Variants in LITAF observed in about 807,000 individuals in gnomAD.
LITAF encodes lipopolysaccharide induced TNF factor, also known as lipopolysaccharide-induced tumor necrosis factor-alpha factor.
LITAF carries 9 observed loss-of-function variants against 14.5 expected under a neutral mutation model. The ratio of observed to expected loss-of-function variants is 0.62; its 90% CI spans 0.37 to 1.08. LITAF has a LOEUF of 1.08. Among genes scored for constraint, LITAF ranks in the 50% least tolerant of loss-of-function variants. LITAF has a pLI of 0.01. For synonymous variants in LITAF, 98 were observed against 88.2 expected, an observed-to-expected ratio of 1.11 and a Z score of -0.62; for missense variants, 206 against 213.4, an observed-to-expected ratio of 0.97 and a Z score of 0.22.
intron 3 of LITAF, among the ~76,000 whole-genome samples, chr16:11,628,150 G>A (rs1167239595): frequency 6.6e-6 from 1 of 152,010 alleles, no homozygotes; most frequent in African/African-American, 2.4e-5. Context: ...CTGTGGTAAT[G>A]AATCAATACC....
chr16:11,549,226 C>A lies in LITAF; in HGVS notation c.*411G>T, dbSNP rs1255535005. The A allele has an allele frequency of 2.3e-6, 1 of 442,518 alleles. No individual in the cohort carries two copies. The highest frequency in any genetic ancestry group is 4.5e-6 in the Non-Finnish European group (1 of 220,872). The allele number at this position is 442,518 out of a possible 1,614,324, so 27.4% of individuals were successfully genotyped here. A position where few individuals can be genotyped will look rare whatever the true frequency, so the allele number is the denominator to read the frequency against. ...AAGGCTGGTTCAGCCGAGCTCTGGG[C>A]AGAACAGCCTCAAAAATAAGGCAAC... is the stretch of plus-strand genomic sequence containing the variant. On this transcript the variant is annotated 3_prime_UTR_variant, in exon 4 of 4. Coordinates refer to ENST00000622633, the MANE Select transcript of LITAF (RefSeq NM_001136472.2). The surrounding 1 kb of genome is among the most constrained non-coding windows in gnomAD (Gnocchi z 4.6).
chr16:11,559,715 C>T (rs1402725596), intron 1 of LITAF, among the ~76,000 whole-genome samples: 2 of 151,112 alleles, frequency 1.3e-5, no homozygotes, highest in African/African-American at 4.9e-5. Flanking sequence ...GGCTACTAGG[C>T]CGGGCATGGT....
chr16:11,583,542 C>T (rs927552993), intron 1 of LITAF, among the ~76,000 whole-genome samples: 6 of 152,142 alleles, frequency 3.9e-5, no homozygotes, highest in Non-Finnish European at 7.4e-5. Flanking sequence ...AGAAGCCGCC[C>T]GATAAGGACA....
At chr16:11,607,414 A>G (rs1010320663) in intron 3 of LITAF, among the ~76,000 whole-genome samples, 2 of 151,914 alleles carry the variant, frequency 1.3e-5, no homozygotes, top group Admixed American at 6.6e-5. Context: ...CTCTTAATTT[A>G]TTTTCAATTT....
At chr16:11,575,790 C>A (rs900393397) in intron 1 of LITAF, among the ~76,000 whole-genome samples, 12 of 152,212 alleles carry the variant, frequency 7.9e-5, no homozygotes, top group Admixed American at 7.2e-4. Flanking sequence ...GTCTCCATAG[C>A]TTCTGGTGTT....
rs967962520 is a variant in LITAF at position 11,632,083 on chromosome 16, G to A, written c.85+1450C>T. Among the ~76,000 whole-genome samples, 2 of 151,080 alleles carry A rather than the reference G, an allele frequency of 1.3e-5. No individual in the cohort carries two copies. Among genetic ancestry groups the A allele is most frequent in the Non-Finnish European group, 3.0e-5 (2 of 67,720 alleles). The stretch of plus-strand genomic sequence containing the variant: ...GGGGTTTCACCGTGTTAACCAGGAT[G>A]GTCTTGATCTCCTGACCTCGTGATC... On this transcript the variant is annotated intron_variant, in intron 3 of 3. Coordinates refer to the LITAF transcript ENST00000574848. This position sits in a 1 kb window ranked among gnomAD's most constrained non-coding sequence, Gnocchi z 4.8.
chr16:11,553,703 G>A lies in LITAF; in HGVS notation c.221-14C>T, dbSNP rs757733059. The A allele has an allele frequency of 3.0e-5, 48 of 1,613,908 alleles. No homozygotes were observed. Among genetic ancestry groups the A allele is most frequent in the Non-Finnish European group, 4.1e-5 (48 of 1,179,966 alleles). On this transcript the variant is annotated splice_polypyrimidine_tract_variant and intron_variant, in intron 2 of 3. Coordinates refer to ENST00000622633, the MANE Select transcript of LITAF (RefSeq NM_001136472.2). This position sits in a 1 kb window ranked among gnomAD's most constrained non-coding sequence, Gnocchi z 7.7. The stretch of plus-strand genomic sequence containing the variant: ...TCTGCACGGTAACTGATGAAAGGGA[G>A]AGGGACAAACACAGGTTGCTCAGGA...
chr16:11,618,839 C>T (rs530587497), intron 3 of LITAF, among the ~76,000 whole-genome samples: 88 of 151,748 alleles, frequency 5.8e-4, no homozygotes, highest in Non-Finnish European at 9.6e-4. Context: ...GAAAGTTAGC[C>T]GGGCGTGGTG....
At chr16:11,612,060 C>T (rs914769076) in intron 3 of LITAF, among the ~76,000 whole-genome samples, 12 of 152,186 alleles carry the variant, frequency 7.9e-5, no homozygotes, top group Admixed American at 1.3e-4. Flanking sequence ...CCTTCTTCCC[C>T]TCGGGGCTCG....
chr16:11,591,433 C>T (rs763128399), upstream of LITAF, among the ~76,000 whole-genome samples: 75 of 150,546 alleles, frequency 5.0e-4, 20 homozygotes, highest in Non-Finnish European at 9.9e-4. Flanking sequence ...AGTCCTCCCA[C>T]CTCCACCTCC....
chr16:11,560,446 A>G (rs2064343616), intron 1 of LITAF, among the ~76,000 whole-genome samples: 2 of 151,936 alleles, frequency 1.3e-5, no homozygotes, highest in African/African-American at 4.8e-5. Context: ...CCCCATCTCT[A>G]CTAAAAATAC....
chr16:11,613,354 C>G (rs1475642378), intron 3 of LITAF, among the ~76,000 whole-genome samples: 3 of 152,296 alleles, frequency 2.0e-5, no homozygotes, highest in East Asian at 3.9e-4. Flanking sequence ...ACAGAGAGAC[C>G]AGACCTCCTG....
At chr16:11,621,292 G>A (rs1035030053) in intron 3 of LITAF, among the ~76,000 whole-genome samples, 2 of 152,114 alleles carry the variant, frequency 1.3e-5, no homozygotes, top group Non-Finnish European at 2.9e-5. Context: ...TCGAACTCCC[G>A]ACCTCAGGTG....
chr16:11,588,376 G>A (rs144837928), upstream of LITAF, among the ~76,000 whole-genome samples: 1,685 of 152,060 alleles, frequency 0.011, 16 homozygotes, highest in Non-Finnish European at 0.017. Flanking sequence ...CGGTGGAGTG[G>A]TGGCATGTGC....
At chr16:11,574,968 C>CAT (rs1421908885) in intron 1 of LITAF, among the ~76,000 whole-genome samples, 2 of 151,970 alleles carry the variant, frequency 1.3e-5, no homozygotes, top group Non-Finnish European at 2.9e-5. Context: ...ACGCTCAGCT[C>CAT]ATTTTTTTAT....
chr16:11,556,205 C>A, intron 2 of LITAF: 1 of 511,148 alleles, frequency 2.0e-6, no homozygotes, highest in Non-Finnish European at 3.4e-6. Flanking sequence ...AGGAAGTGTG[C>A]GGGCCCTTAA....
intron 1 of LITAF, among the ~76,000 whole-genome samples, chr16:11,596,986 C>T (rs564710505): frequency 2.4e-4 from 36 of 152,260 alleles, no homozygotes; most frequent in African/African-American, 8.2e-4. Flanking sequence ...GAAGCCCAGA[C>T]AGGTAAAGTA....
intron 3 of LITAF, among the ~76,000 whole-genome samples, chr16:11,624,670 A>T (rs1334891766): frequency 6.6e-6 from 1 of 152,192 alleles, no homozygotes; most frequent in Non-Finnish European, 1.5e-5. Context: ...CAGATTTATC[A>T]TGATAAATTT....
chr16:11,580,732 ACCACC>A (rs1480226978), intron 1 of LITAF, among the ~76,000 whole-genome samples: 3 of 151,946 alleles, frequency 2.0e-5, no homozygotes, highest in Non-Finnish European at 4.4e-5. Context: ...ATAACCTATC[ACCACC>A]TGCCTCCAGG....
Sources: gnomAD v4.1 joint callset for allele counts (sites outside exome capture counted in the v4.1 genomes callset) on GRCh38, gnomAD v4.1.1 for gene constraint, Gnocchi (gnomAD v3.1) non-coding constraint, MANE v1.5 for transcripts, NCBI Gene and HGNC (gene_info 2026-07-23, HGNC 2026-07-21) for gene names.